Variants in TENM4 observed in about 807,000 individuals in gnomAD.
TENM4 encodes the protein teneurin transmembrane protein 4, also known as teneurin-4.
In TENM4, 82 loss-of-function variants were observed where a neutral mutation model predicts 243.3. That is an observed-to-expected ratio of 0.34 (90% CI 0.28 to 0.40). The LOEUF is 0.40. Among genes scored for constraint, TENM4 ranks in the 10% least tolerant of loss-of-function variants. The pLI, the probability that TENM4 is intolerant of heterozygous loss-of-function variation, is 1.00. For missense variants in TENM4, 3,138 were observed against 3,673.3 expected, an observed-to-expected ratio of 0.85 and a Z score of 3.77; for synonymous variants, 1,412 against 1,456.3, an observed-to-expected ratio of 0.97 and a Z score of 0.69.
intron 19 of TENM4, 83 bp downstream of exon 19, chr11:78,756,722 C>T (rs943821057): frequency 7.4e-6 from 10 of 1,345,066 alleles, no homozygotes; most frequent in African/African-American, 7.3e-5. Flanking sequence ...CTTCCTCCCA[C>T]CCCCATTCAT....
chr11:79,258,095 G>A (rs1229629768), intron 2 of TENM4, among the ~76,000 whole-genome samples: 1 of 152,162 alleles, frequency 6.6e-6, no homozygotes, highest in East Asian at 1.9e-4. Context: ...GAGAGGAGAG[G>A]GGTTTGGTGT....
intron 2 of TENM4, among the ~76,000 whole-genome samples, chr11:79,231,911 C>G (rs139446054): frequency 6.6e-6 from 1 of 152,114 alleles, no homozygotes; most frequent in Non-Finnish European, 1.5e-5. Context: ...GAAACCCCGT[C>G]TCTACTAAAA....
At chr11:79,059,551 A>G (rs1860034531) in intron 6 of TENM4, among the ~76,000 whole-genome samples, 1 of 152,246 alleles carries the variant, frequency 6.6e-6, no homozygotes, top group African/African-American at 2.4e-5. Flanking sequence ...CAACACTTCA[A>G]GGAAGGAAGA....
At chr11:79,297,598 G>A (rs117108211) in intron 1 of TENM4, 55 bp from the exon 2 acceptor site, 2,486 of 152,748 alleles carry the variant, frequency 0.016, 24 homozygotes, top group Middle Eastern at 0.085. Flanking sequence ...GGACTAAAAC[G>A]CATCATCGGT....
intron 4 of TENM4, chr11:79,096,693 G>C (rs867628825): frequency 2.6e-5 from 4 of 152,534 alleles, no homozygotes; most frequent in African/African-American, 4.8e-5. Context: ...GACAAACCCA[G>C]CCAAACATAT....
intron 9 of TENM4, among the ~76,000 whole-genome samples, chr11:78,881,459 T>A (rs1180444330): frequency 6.6e-5 from 10 of 152,026 alleles, no homozygotes; most frequent in Non-Finnish European, 2.9e-5. Flanking sequence ...AGACCATACA[T>A]CCATGTCAAG....
rs143269518 is a variant in TENM4 at position 79,230,892 on chromosome 11, G to C, written c.-264-14983C>G. 8.0e-3 allele frequency among the ~76,000 whole-genome samples: 1,225 copies of C among 152,296 alleles called. 7 individuals are homozygous for C. The highest frequency in any genetic ancestry group is 0.027 in the Middle Eastern group (8 of 294). On this transcript the variant is annotated intron_variant, in intron 2 of 33. Coordinates refer to ENST00000278550, the MANE Select transcript of TENM4 (RefSeq NM_001098816.3). ...CCAACCACATGTTTATGGTACAATAGCTTTGTCTTCTGGCTGCCTAACAAG... is the reference window on the plus strand; with the variant it reads ...CCAACCACATGTTTATGGTACAATACCTTTGTCTTCTGGCTGCCTAACAAG...
intron 20 of TENM4, among the ~76,000 whole-genome samples, chr11:78,735,914 C>T (rs1855779548): frequency 7.2e-6 from 1 of 138,590 alleles, no homozygotes; most frequent in Admixed American, 8.0e-5. Context: ...CCCTTTTCTC[C>T]CTTTCTCTCT....
chr11:78,692,907 G>T (rs772790557), intron 28 of TENM4, among the ~76,000 whole-genome samples: 1 of 152,058 alleles, frequency 6.6e-6, no homozygotes, highest in Non-Finnish European at 1.5e-5. Context: ...CCTGACCACC[G>T]CTTCTAAGAC....
intron 1 of TENM4, among the ~76,000 whole-genome samples, chr11:79,389,521 T>TAG (rs1858186768): frequency 6.6e-6 from 1 of 152,212 alleles, no homozygotes; most frequent in African/African-American, 2.4e-5. Context: ...AGAAGCACCC[T>TAG]AGGTGATTCC....
chr11:78,803,804 G>T (rs1857332803), intron 15 of TENM4, among the ~76,000 whole-genome samples: 1 of 152,196 alleles, frequency 6.6e-6, no homozygotes, highest in Admixed American at 6.5e-5. Flanking sequence ...AATGAACAAT[G>T]CAAGCCAGCG....
chr11:79,126,552 A>C (rs1411288599), intron 4 of TENM4, among the ~76,000 whole-genome samples: 3 of 152,214 alleles, frequency 2.0e-5, no homozygotes, highest in Non-Finnish European at 2.9e-5. Context: ...ATTTGTGTAG[A>C]GCTCTGGCAT....
At position 78,793,435 on chromosome 11, in the gene TENM4, T is replaced by C. The variant is rs189541532; in HGVS notation, c.2180-6352A>G. ...TTAGCACTAGAAGAGGTAATAAGTA[T>C]AATTGTTCTATTTTGCTGAGGACCT... is the stretch of plus-strand genomic sequence containing the variant. On this transcript the variant is annotated intron_variant, in intron 15 of 33. Coordinates refer to ENST00000278550, the MANE Select transcript of TENM4 (RefSeq NM_001098816.3). Among the ~76,000 whole-genome samples the C allele has an allele frequency of 2.0e-5, 3 of 152,294 alleles. No homozygotes were observed. In the East Asian group the frequency reaches 5.8e-4, roughly 29 times the overall value.
At chr11:79,416,365 T>G (rs892456696) in intron 1 of TENM4, among the ~76,000 whole-genome samples, 5 of 152,184 alleles carry the variant, frequency 3.3e-5, no homozygotes, top group Non-Finnish European at 7.4e-5. Flanking sequence ...TTGCTCCATA[T>G]CCTCACCAAC....
At chr11:78,693,701 A>G (rs894839247) in intron 28 of TENM4, among the ~76,000 whole-genome samples, 2 of 152,202 alleles carry the variant, frequency 1.3e-5, no homozygotes, top group African/African-American at 2.4e-5. Context: ...TTTGGAGCAC[A>G]GTGAAAGAAA....
chr11:78,744,468 A>C (rs1856001282), intron 19 of TENM4, among the ~76,000 whole-genome samples: 2 of 152,242 alleles, frequency 1.3e-5, no homozygotes, highest in Admixed American at 1.3e-4. Flanking sequence ...GGACTTGCCC[A>C]TTCTTGCAGA....
intron 6 of TENM4, among the ~76,000 whole-genome samples, chr11:78,918,814 T>C (rs762156683): frequency 1.4e-4 from 22 of 152,208 alleles, no homozygotes; most frequent in Non-Finnish European, 3.1e-4. Context: ...TTTACCTGGC[T>C]GCTTCCTTTG....
Position 78,658,601 on chromosome 11 carries a change from C to T in TENM4, c.7767G>A (p.Glu2589=), listed in dbSNP as rs565174015. The stretch of plus-strand genomic sequence containing the variant: ...AGATGGCAGCAACCCTTCGCCCATC[C>T]TCATTGGCCACACTGATGATGTCTG... The part of the protein sequence containing the change: ...VTTDIISVAN[E]DGRRVAAILN... The change falls in exon 34 of 34, where the codon GAG becomes GAA. Residue 2589 remains glutamate, a synonymous_variant. Coordinates refer to ENST00000278550, the MANE Select transcript of TENM4 (RefSeq NM_001098816.3). 7 of 1,613,990 alleles carry T rather than the reference C, an allele frequency of 4.3e-6. No individual in the cohort carries two copies. Among genetic ancestry groups the T allele is most frequent in the Non-Finnish European group, 5.9e-6 (7 of 1,179,886 alleles).
intron 4 of TENM4, among the ~76,000 whole-genome samples, chr11:79,081,724 G>A (rs1163177968): frequency 6.6e-6 from 1 of 152,156 alleles, no homozygotes; most frequent in Non-Finnish European, 1.5e-5. Flanking sequence ...CGGAGTGCTC[G>A]TGGCTGACAC....
Sources: gnomAD v4.1 joint callset for allele counts (sites outside exome capture counted in the v4.1 genomes callset) on GRCh38, gnomAD v4.1.1 for gene constraint, MANE v1.5 for transcripts, NCBI Gene and HGNC (gene_info 2026-07-23, HGNC 2026-07-21) for gene names.